BMPER: variants seen among roughly 807,000 people sequenced by gnomAD.
The protein encoded by BMPER is BMP binding endothelial regulator, also known as BMP-binding endothelial regulator protein.
BMPER carries 45 observed loss-of-function variants against 87.3 expected under a neutral mutation model. The ratio of observed to expected loss-of-function variants is 0.52; its 90% confidence interval spans 0.41 to 0.66. The LOEUF (loss-of-function observed/expected upper bound fraction) is 0.66, where lower values mean the gene tolerates loss of function less well. Ranked by LOEUF, BMPER falls within the 30% of genes least tolerant of loss-of-function variation. The pLI is 0.00. For synonymous variants in BMPER, 326 were observed against 316.2 expected (o/e 1.03, Z -0.33); for missense variants, 784 against 867.5 (o/e 0.90, Z 1.21).
chr7:33,918,640 T>C (rs1784141547), intron 2 of BMPER, among the ~76,000 whole-genome samples: 1 of 152,248 alleles, frequency 6.6e-6, no homozygotes, highest in Non-Finnish European at 1.5e-5. Flanking sequence ...AGATATTCTC[T>C]CACTTGGGAG....
chr7:34,105,575 A>G lies in BMPER; in HGVS notation c.1745+19483A>G, dbSNP rs371594558. On this transcript the variant is annotated intron_variant, in intron 13 of 14. Transcript: ENST00000649409. ...AACTCACAAGTCTTGTTATTTTCCA[A>G]TGGAGGATGAAATCATTTTTGATAG... is the stretch of plus-strand genomic sequence containing the variant. 1.9e-4 allele frequency among the ~76,000 whole-genome samples: 29 copies of G among 152,322 alleles called. No individual in the cohort carries two copies. In the East Asian group the frequency reaches 2.1e-3, roughly 11 times the overall value.
At position 33,906,826 on chromosome 7, in the gene BMPER, G is replaced by T. The variant is rs753391713; in HGVS notation, c.142G>T (p.Ala48Ser). Residue 48 changes from alanine (A) to serine (S), a missense_variant, in exon 2 of 15, where the codon GCA becomes TCA. Ala to Ser is a moderately conservative substitution (Grantham distance 99). Coordinates refer to ENST00000649409, the MANE Select transcript of BMPER (RefSeq NM_001365308.1). ...LASSFLTGSVAKCENEGEVLQ... is the reference protein window; with the variant it reads ...LASSFLTGSVSKCENEGEVLQ... ...TCCCCCCTGAATTTCAGGTTCTGTT[G>T]CAAAATGTGAAAATGAAGGTGAAGT... is the stretch of plus-strand genomic sequence containing the variant. 6.8e-6 allele frequency: 11 copies of T among 1,613,452 alleles called. No homozygotes were observed. In the Admixed American group the frequency reaches 1.8e-4, roughly 27 times the overall value.
At chr7:33,995,232 C>G (rs1421916111) in intron 6 of BMPER, among the ~76,000 whole-genome samples, 1 of 152,024 alleles carries the variant, frequency 6.6e-6, no homozygotes, top group Non-Finnish European at 1.5e-5. Flanking sequence ...TAAAGTTTCT[C>G]TAAAATACTA....
At chr7:33,939,961 C>A in intron 3 of BMPER, 1 of 313,654 alleles carries the variant, frequency 3.2e-6, no homozygotes, top group Non-Finnish European at 7.4e-6. Context: ...GTGCTTGTCT[C>A]AAGGGTTTTA....
rs76104553 is a variant in BMPER at position 34,050,798 on chromosome 7, G to C, written c.677-1063G>C. On this transcript the variant is annotated intron_variant, in intron 7 of 14. Transcript: ENST00000649409. ...ACTCTTTATTTGGGATTGCTGTTTT[G>C]GTCCTTTTGTTCACCAATCTGGTTC... 5.5e-3 allele frequency among the ~76,000 whole-genome samples: 834 copies of C among 152,132 alleles called. 5 individuals carry two copies. Among genetic ancestry groups the C allele is most frequent in the African/African-American group, 0.019 (782 of 41,482 alleles).
chr7:33,988,614 T>A lies in BMPER; in HGVS notation c.576+13830T>A, dbSNP rs114624681. 8.1e-3 allele frequency among the ~76,000 whole-genome samples: 1,234 copies of A among 152,230 alleles called. 11 individuals are homozygous for A. The highest frequency in any genetic ancestry group is 0.028 in the African/African-American group (1,153 of 41,554). ...AGTGTTTGGTATTTTTATTTTTTTT[T>A]AATTATTTTTTTAATTATACTTTAA... On this transcript the variant is annotated intron_variant, in intron 6 of 14. Transcript: ENST00000649409.
chr7:34,001,374 A>G (rs1786575684), intron 6 of BMPER, among the ~76,000 whole-genome samples: 1 of 151,846 alleles, frequency 6.6e-6, no homozygotes, highest in Admixed American at 6.6e-5. Context: ...CTATTCAGAT[A>G]TTTAAAATTT....
rs556245239 is a variant in BMPER at position 33,926,930 on chromosome 7, G to A, written c.220-10359G>A. On this transcript the variant is annotated intron_variant, in intron 2 of 14. Coordinates refer to ENST00000649409, the MANE Select transcript of BMPER (RefSeq NM_001365308.1). ...GAGCAGAGATCTTTCCAGCAACTGA[G>A]ATGTCACCCCGCTCTTACTGTTACC... is the stretch of plus-strand genomic sequence containing the variant. 2.6e-5 allele frequency among the ~76,000 whole-genome samples: 4 copies of A among 152,352 alleles called. No individual in the cohort carries two copies. In the East Asian group the frequency reaches 7.7e-4, roughly 29 times the overall value.
At chr7:34,011,083 A>G (rs1012762019) in intron 6 of BMPER, among the ~76,000 whole-genome samples, 1 of 151,800 alleles carries the variant, frequency 6.6e-6, no homozygotes. Flanking sequence ...TGAGAGTGGA[A>G]TTTGTCTTAA....
intron 3 of BMPER, among the ~76,000 whole-genome samples, chr7:33,961,722 AAG>A (rs1487575566): frequency 6.6e-6 from 1 of 152,162 alleles, no homozygotes; most frequent in African/African-American, 2.4e-5. Flanking sequence ...GCTGTAGCGC[AAG>A]AGAGTAAAGT....
At chr7:33,955,207 T>A (rs1785121247) in intron 3 of BMPER, among the ~76,000 whole-genome samples, 1 of 152,226 alleles carries the variant, frequency 6.6e-6, no homozygotes, top group Non-Finnish European at 1.5e-5. Flanking sequence ...AAGGCCTTTA[T>A]CAATTTTGTC....
chr7:34,126,573 T>C (rs1790407706), intron 13 of BMPER, among the ~76,000 whole-genome samples: 2 of 152,218 alleles, frequency 1.3e-5, no homozygotes, highest in Non-Finnish European at 2.9e-5. Context: ...ATGAGGATGT[T>C]TGTGCTGTAG....
Position 33,905,825 on chromosome 7 carries a change from G to A in BMPER, c.133+79G>A. On this transcript the variant is annotated intron_variant, in intron 1 of 14. Transcript: ENST00000649409. The stretch of plus-strand genomic sequence containing the variant: ...GGAAAGGTGGCGCTGGCTTGCCCCG[G>A]GGATGGGAGGGTGGGGAGCGCGCAC... The A allele has an allele frequency of 2.3e-6, 3 of 1,292,984 alleles. No homozygotes were observed. In the South Asian group the frequency reaches 3.6e-5, roughly 16 times the overall value. The allele number at this position is 1,292,984 out of a possible 1,614,324, so 80.1% of individuals were successfully genotyped here.
intron 13 of BMPER, among the ~76,000 whole-genome samples, chr7:34,125,024 G>A (rs1180678498): frequency 6.6e-6 from 1 of 150,694 alleles, no homozygotes; most frequent in Non-Finnish European, 1.5e-5. Context: ...ATTTGGTTAT[G>A]ATATATTATT....
intron 6 of BMPER, among the ~76,000 whole-genome samples, chr7:34,006,921 C>T (rs1786749980): frequency 6.6e-6 from 1 of 152,054 alleles, no homozygotes; most frequent in South Asian, 2.1e-4. Flanking sequence ...TTGAGGAGCA[C>T]GTCAGGCTAA....
chr7:34,038,278 GCA>G (rs1278893190), intron 6 of BMPER, among the ~76,000 whole-genome samples: 1 of 152,168 alleles, frequency 6.6e-6, no homozygotes, highest in African/African-American at 2.4e-5. Flanking sequence ...TGAGCAGAGA[GCA>G]CAGTCAGAGG....
At chr7:33,925,434 T>TC in intron 2 of BMPER, among the ~76,000 whole-genome samples, 1 of 152,248 alleles carries the variant, frequency 6.6e-6, no homozygotes, top group Non-Finnish European at 1.5e-5. Context: ...ACTAATGTAA[T>TC]CATAACAAAC....
chr7:33,905,776 T>C (rs779710674), intron 1 of BMPER, 30 bp downstream of exon 1: 1 of 1,369,700 alleles, frequency 7.3e-7, no homozygotes, highest in Non-Finnish European at 9.8e-7. Context: ...GGACCGGCCC[T>C]CCGGGACGCC....
chr7:33,921,349 C>T (rs1029422837), intron 2 of BMPER, among the ~76,000 whole-genome samples: 2 of 152,208 alleles, frequency 1.3e-5, no homozygotes, highest in African/African-American at 4.8e-5. Flanking sequence ...TCTTAAGAAA[C>T]CAGTTTCATA....
Sources: allele counts gnomAD v4.1 joint callset (sites outside exome capture counted in the v4.1 genomes callset), GRCh38; gene constraint gnomAD v4.1.1; transcripts MANE v1.5; gene names NCBI Gene and HGNC (gene_info 2026-07-23, HGNC 2026-07-21).